The following LRRC4C variants were observed in gnomAD, a reference collection of about 807,000 sequenced individuals.
LRRC4C encodes leucine rich repeat containing 4C, also known as leucine-rich repeat-containing protein 4C.
Under a neutral mutation model 33.6 loss-of-function variants are expected in LRRC4C, and 5 were observed. The observed-to-expected ratio is 0.15, with a 90% confidence interval of 0.08 to 0.31. The LOEUF is 0.31. Among genes scored for constraint, LRRC4C ranks in the 10% least tolerant of loss-of-function variants. The pLI, the probability that LRRC4C is intolerant of heterozygous loss-of-function variation, is 1.00. For synonymous variants in LRRC4C, 329 were observed against 302.0 expected (o/e 1.09, Z -0.93); for missense variants, 560 against 796.7 (o/e 0.70, Z 3.58).
intron 1 of LRRC4C, among the ~76,000 whole-genome samples, chr11:41,341,281 C>T (rs560452347): frequency 3.2e-4 from 48 of 151,924 alleles, no homozygotes; most frequent in African/African-American, 9.7e-4. Context: ...TAAGTGTTTT[C>T]GATTAAAAAA....
In LRRC4C at chr11:41,305,167, G is replaced by A. The variant is rs1163214371; in HGVS notation, c.-496+154264C>T. On this transcript the variant is annotated intron_variant, in intron 1 of 6. Transcript: ENST00000528697. The stretch of plus-strand genomic sequence containing the variant: ...AGGTGAGGGGCGCCTCTGCCCCGCC[G>A]CCCCTACTGGGAAGTGAGGAGCCCC... Among the ~76,000 whole-genome samples, 5 of 48,844 alleles carry A rather than the reference G, an allele frequency of 1.0e-4. 1 individual carries two copies. The highest frequency in any genetic ancestry group is 1.5e-4 in the African/African-American group (3 of 19,694). 32.0% of individuals were successfully genotyped at this position (48,844 alleles called of 152,430 possible). A position where few individuals can be genotyped will look rare whatever the true frequency, so the allele number is the denominator to read the frequency against.
At chr11:41,342,454 C>T (rs1415203540) in intron 1 of LRRC4C, among the ~76,000 whole-genome samples, 1 of 152,188 alleles carries the variant, frequency 6.6e-6, no homozygotes, top group Admixed American at 6.5e-5. Context: ...GTGGCTCTCA[C>T]CCATAATCAT....
intron 2 of LRRC4C, among the ~76,000 whole-genome samples, chr11:40,659,878 G>A (rs1943337053): frequency 6.6e-6 from 1 of 152,132 alleles, no homozygotes; most frequent in Admixed American, 6.5e-5. Flanking sequence ...ATTCTTTATG[G>A]ATGTGGGACA....
At chr11:40,347,708 G>C (rs551334989) in intron 3 of LRRC4C, among the ~76,000 whole-genome samples, 1 of 152,064 alleles carries the variant, frequency 6.6e-6, no homozygotes, top group Non-Finnish European at 1.5e-5. Flanking sequence ...TCCGGGGTTC[G>C]AGCGATTCTC....
chr11:40,318,591 G>C (rs1945689961), intron 4 of LRRC4C, among the ~76,000 whole-genome samples: 1 of 151,738 alleles, frequency 6.6e-6, no homozygotes, highest in Admixed American at 6.6e-5. Flanking sequence ...ATATTTCCTT[G>C]GTTTTGTTTT....
At chr11:40,254,121 T>C (rs2136202367) in intron 4 of LRRC4C, among the ~76,000 whole-genome samples, 1 of 152,310 alleles carries the variant, frequency 6.6e-6, no homozygotes, top group Non-Finnish European at 1.5e-5. Context: ...CAGGTAACAC[T>C]TGAATCCTGG....
chr11:40,215,887 T>C (rs115098749), intron 5 of LRRC4C, among the ~76,000 whole-genome samples: 165 of 152,206 alleles, frequency 1.1e-3, no homozygotes, highest in African/African-American at 3.9e-3. Context: ...TGGACACTCT[T>C]TGGCAAGCCC....
intron 2 of LRRC4C, among the ~76,000 whole-genome samples, chr11:40,660,452 A>C (rs2136206317): frequency 6.6e-6 from 1 of 152,344 alleles, no homozygotes; most frequent in South Asian, 2.1e-4. Flanking sequence ...CTGTGACAAA[A>C]GTGCAGCCTT....
intron 3 of LRRC4C, among the ~76,000 whole-genome samples, chr11:40,455,985 T>A (rs1025518715): frequency 3.9e-5 from 6 of 152,152 alleles, no homozygotes; most frequent in African/African-American, 1.4e-4. Flanking sequence ...GTCTCTTTGA[T>A]TAATTCCATG....
chr11:40,299,386 C>A (rs1944665302), intron 4 of LRRC4C, among the ~76,000 whole-genome samples: 1 of 152,146 alleles, frequency 6.6e-6, no homozygotes, highest in Non-Finnish European at 1.5e-5. Context: ...GTGGACTCTG[C>A]CACTCACCTT....
At chr11:41,231,427 T>C (rs1453054180) in intron 1 of LRRC4C, among the ~76,000 whole-genome samples, 1 of 151,544 alleles carries the variant, frequency 6.6e-6, no homozygotes. Context: ...CATGGAATAC[T>C]ATGCAGCCAT....
At chr11:40,809,091 A>T (rs1480033167) in intron 2 of LRRC4C, among the ~76,000 whole-genome samples, 4 of 152,138 alleles carry the variant, frequency 2.6e-5, no homozygotes, top group Non-Finnish European at 5.9e-5. Flanking sequence ...CTTTGAAAAA[A>T]ATCCCTCTCC....
At chr11:40,912,818 C>A (rs1181570123) in intron 2 of LRRC4C, among the ~76,000 whole-genome samples, 30 of 152,160 alleles carry the variant, frequency 2.0e-4, no homozygotes, top group African/African-American at 6.3e-4. Flanking sequence ...CATGCAGAGA[C>A]ACACATAGGC....
At chr11:40,657,550 G>C (rs1943193040) in intron 2 of LRRC4C, among the ~76,000 whole-genome samples, 1 of 152,174 alleles carries the variant, frequency 6.6e-6, no homozygotes, top group South Asian at 2.1e-4. Context: ...CCTTTGGAAA[G>C]ACTAATCAGA....
At chr11:41,053,335 T>C (rs1237960188) in intron 1 of LRRC4C, among the ~76,000 whole-genome samples, 1 of 152,220 alleles carries the variant, frequency 6.6e-6, no homozygotes, top group East Asian at 1.9e-4. Context: ...GGCAAGGAAC[T>C]GAGACCGGCT....
intron 2 of LRRC4C, among the ~76,000 whole-genome samples, chr11:40,719,034 C>T (rs192992529): frequency 6.0e-4 from 91 of 152,282 alleles, no homozygotes; most frequent in African/African-American, 2.0e-3. Context: ...TCTCTTTTGA[C>T]GGCCCTTGCT....
chr11:41,079,356 CA>C (rs1185877153), intron 1 of LRRC4C, among the ~76,000 whole-genome samples: 2 of 152,052 alleles, frequency 1.3e-5, no homozygotes, highest in Non-Finnish European at 2.9e-5. Flanking sequence ...GGCATGAATA[CA>C]AAAGTCCAGA....
chr11:40,307,038 AT>A (rs888310974), intron 4 of LRRC4C, among the ~76,000 whole-genome samples: 4 of 145,580 alleles, frequency 2.7e-5, no homozygotes, highest in South Asian at 2.2e-4. Flanking sequence ...TCTATATACA[AT>A]TTTTTTTTGT....
At chr11:40,731,504 C>A (rs1006050250) in intron 2 of LRRC4C, among the ~76,000 whole-genome samples, 1 of 152,026 alleles carries the variant, frequency 6.6e-6, no homozygotes, top group African/African-American at 2.4e-5. Flanking sequence ...GAACCATGAG[C>A]CAATTAAATT....
Sources: allele counts gnomAD v4.1 joint callset (sites outside exome capture counted in the v4.1 genomes callset), GRCh38; gene constraint gnomAD v4.1.1; transcripts MANE v1.5; gene names NCBI Gene and HGNC (gene_info 2026-07-23, HGNC 2026-07-21).